Variants in SON observed in about 807,000 individuals in gnomAD.
The protein encoded by SON is SON DNA and RNA binding protein.
SON carries 4 observed loss-of-function variants against 173.3 expected under a neutral mutation model. That is an observed-to-expected ratio of 0.02 (90% CI 0.01 to 0.05). SON has a LOEUF of 0.05. Among genes scored for constraint, SON ranks in the 10% least tolerant of loss-of-function variants. The pLI is 1.00. For synonymous variants in SON, 1,190 were observed against 1,105.9 expected, an observed-to-expected ratio of 1.08 and a Z score of -1.51; for missense variants, 2,626 against 3,055.3, an observed-to-expected ratio of 0.86 and a Z score of 3.31.
At chr21:33,576,240 A>C in intron 11 of SON, 125 bp from the exon 12 acceptor site, 1 of 653,572 alleles carries the variant, frequency 1.5e-6, no homozygotes. Flanking sequence ...TGAGATTATA[A>C]TTTGACTTAC....
At position 33,573,525 on chromosome 21, in the gene SON, C is replaced by T. The variant is rs748964622; in HGVS notation, c.7033+70C>T. 2.4e-5 allele frequency: 32 copies of T among 1,360,922 alleles called. 1 individual carries two copies. In the Middle Eastern group the frequency reaches 1.5e-3, roughly 63 times the overall value. 84.3% of individuals were successfully genotyped at this position (1,360,922 alleles called of 1,614,324 possible). A position where few individuals can be genotyped will look rare whatever the true frequency, so the allele number is the denominator to read the frequency against. On this transcript the variant is annotated intron_variant, in intron 9 of 11. Coordinates refer to ENST00000356577, the MANE Select transcript of SON (RefSeq NM_138927.4). ...ATTACCTTTAATATATCCTTTTGAA[C>T]CCAGTGATACTGAACTGAAGGCACT...
intron 2 of SON, chr21:33,547,064 T>G (rs1601253425): frequency 1.3e-5 from 2 of 152,334 alleles, no homozygotes; most frequent in East Asian, 3.9e-4. Flanking sequence ...AACCTCCGCC[T>G]CCCAGGTTCA....
chr21:33,553,447 C>G lies in SON; in HGVS notation c.4216C>G (p.Pro1406Ala), dbSNP rs149373538. The change falls in exon 3 of 12, where the codon CCT becomes GCT. Residue 1406 changes from proline to alanine, a missense_variant. Physicochemically the swap from Pro to Ala is conservative, Grantham distance 27. Around this residue, in one of 13 missense-constraint regions of SON, gnomAD observed 1,006 missense variants for 895.6 expected, o/e 1.12. Transcript: ENST00000356577. ...GGCTGAGCCAGACTATGTTACCATT[C>G]CTGTGCCAGTTGTTTCTGCGCTGGA... Reference protein sequence around the residue: ...VVAEPDYVTIPVPVVSALEPS... With the variant: ...VVAEPDYVTIAVPVVSALEPS... The G allele has an allele frequency of 1.5e-4, 238 of 1,614,074 alleles. No individual in the cohort carries two copies. The highest frequency in any genetic ancestry group is 1.8e-4 in the Non-Finnish European group (216 of 1,180,042).
intron 1 of SON, 95 bp from the exon 2 acceptor site, chr21:33,546,118 C>T (rs1423582045): frequency 3.1e-6 from 3 of 974,000 alleles, no homozygotes; most frequent in Non-Finnish European, 4.4e-6. Flanking sequence ...AAACATCTGA[C>T]AGTCAGTACA....
At chr21:33,571,412 A>T (rs1460213903) in intron 8 of SON, among the ~76,000 whole-genome samples, 1 of 152,206 alleles carries the variant, frequency 6.6e-6, no homozygotes, top group Non-Finnish European at 1.5e-5. Flanking sequence ...CATCTGCCTT[A>T]TGTGTTAAAA....
rs986389942 is a variant in SON, at chr21:33,552,485, C to A, written c.3254C>A (p.Ser1085Tyr). ...MSPMADRSMM[S>Y]MGADRSMMSS... The stretch of plus-strand genomic sequence containing the variant: ...CCAATGGCTGATCGATCTATGATGT[C>A]CATGGGTGCTGACCGGTCTATGATG... The change falls in exon 3 of 12, where the codon TCC becomes TAC. Residue 1085 changes from serine to tyrosine, a missense_variant. Ser to Tyr is a moderately radical substitution (Grantham distance 144, BLOSUM62 -2). Around this residue, in one of 13 missense-constraint regions of SON, gnomAD observed 366 missense variants for 448.6 expected, o/e 0.82. Transcript: ENST00000356577. This position sits in a 1 kb window ranked among gnomAD's most constrained non-coding sequence, Gnocchi z 5.6. The A allele has an allele frequency of 6.2e-7, 1 of 1,613,996 alleles. No homozygotes were observed. Among genetic ancestry groups the A allele is most frequent in the Admixed American group, 1.7e-5 (1 of 60,010 alleles).
Position 33,554,293 on chromosome 21 carries a change from A to T in SON, c.5062A>T (p.Ser1688Cys), listed in dbSNP as rs139299999. Residue 1688 changes from serine to cysteine, a missense_variant, in exon 3 of 12, where the codon AGT becomes TGT. By Grantham distance (112) the Ser-to-Cys change is moderately radical. Around this residue, in one of 13 missense-constraint regions of SON, gnomAD observed 1,006 missense variants for 895.6 expected, o/e 1.12. Coordinates refer to ENST00000356577, the MANE Select transcript of SON (RefSeq NM_138927.4). ...AGAAGAACCATTACCTGTAAAAGAG[A>T]GTGACCAGACATTAGCAGCTCTGCT... The part of the protein sequence containing the change: ...DTEEPLPVKE[S>C]DQTLAALLSP... The T allele has an allele frequency of 1.9e-6, 3 of 1,614,066 alleles. No individual in the cohort carries two copies. In the African/African-American group the frequency reaches 4.0e-5, roughly 22 times the overall value.
Position 33,552,985 on chromosome 21 carries a change from C to T in SON, c.3754C>T (p.Pro1252Ser), listed in dbSNP as rs763568567. The T allele has an allele frequency of 1.4e-5, 22 of 1,609,218 alleles. No homozygotes were observed. The Admixed American group carries it at 3.3e-4, about 24-fold the overall frequency. Residue 1252 changes from proline to serine, a missense_variant, in exon 3 of 12, where the codon CCA becomes TCA. Physicochemically the swap from Pro to Ser is moderately conservative, Grantham distance 74. Coordinates refer to ENST00000356577, the MANE Select transcript of SON (RefSeq NM_138927.4). This position sits in a 1 kb window ranked among gnomAD's most constrained non-coding sequence, Gnocchi z 5.6. ...SEAAVTVPEP[P>S]PEPESSITLT... ...GGCTGCTGTGACTGTTCCAGAACCA[C>T]CACCAGAGCCAGAATCTTCAATTAC...
Position 33,550,335 on chromosome 21 carries a change from A to G in SON, c.1104A>G (p.Thr368=). 1 of 1,614,142 alleles carries G rather than the reference A, an allele frequency of 6.2e-7. No individual in the cohort carries two copies. ...AGTTGCCGGAGCTGCCTAAGACCAC[A>G]GCGTTGGAGCTGCAGGAGTCGTCGG... ...PQELPELPKT[T]ALELQESSVA... The change falls in exon 3 of 12, where the codon ACA becomes ACG. Residue 368 remains threonine (T), a synonymous_variant. Transcript: ENST00000356577.
intron 1 of SON, chr21:33,543,511 C>G (rs938220912): frequency 1.1e-5 from 3 of 281,232 alleles, no homozygotes; most frequent in East Asian, 8.3e-5. Flanking sequence ...TTCCTCAGCT[C>G]CTCCTCCGCC....
In SON at chr21:33,551,011, C is replaced by G; in HGVS notation, c.1780C>G (p.Leu594Val). 1 of 1,607,952 alleles carries G rather than the reference C, an allele frequency of 6.2e-7. No homozygotes were observed. The highest frequency in any genetic ancestry group is 1.1e-5 in the South Asian group (1 of 90,512). ...GGGGCAGCCTGTGGCAACTGGGGCA[C>G]TAGAGTTGCCTGGGCCGCTCATGGC... The part of the protein sequence containing the change: ...LSGQPVATGA[L>V]ELPGPLMAAG... The change falls in exon 3 of 12, where the codon CTA becomes GTA. Residue 594 changes from leucine to valine, a missense_variant. This residue lies in a region of SON where 757 missense variants were observed against 730.1 expected (regional missense o/e 1.04). Transcript: ENST00000356577.
At position 33,554,514 on chromosome 21, in the gene SON, T is replaced by A; in HGVS notation, c.5283T>A (p.Val1761=). Residue 1761 remains valine (V), a synonymous_variant, in exon 3 of 12, where the codon GTT becomes GTA. Transcript: ENST00000356577. ...AAGGACCTTTACTTGCAAGTGATGT[T>A]GGACGTGACAGATCTGCTGCCAGCC... ...GIEGPLLASD[V]GRDRSAASPV... The A allele has an allele frequency of 6.2e-7, 1 of 1,614,144 alleles. No individual in the cohort carries two copies. Among genetic ancestry groups the A allele is most frequent in the Non-Finnish European group, 8.5e-7 (1 of 1,180,034 alleles).
intron 8 of SON, chr21:33,569,505 C>T (rs1036714979): frequency 2.6e-6 from 1 of 377,996 alleles, no homozygotes; most frequent in African/African-American, 2.2e-5. Context: ...TCACTGCCCC[C>T]AAGAGCCCTC....
intron 7 of SON, chr21:33,567,555 A>T: frequency 2.7e-6 from 1 of 366,078 alleles, no homozygotes; most frequent in South Asian, 3.2e-5. Flanking sequence ...AAAACAACTA[A>T]GTGCCTACAA....
chr21:33,553,374 AACTGTCCTGGAGCCTTCGGTTGTG>A lies in SON; in HGVS notation c.4151_4174del (p.Leu1384_Val1391del), dbSNP rs769691894. Reference sequence around the variant, plus strand: ...TGACTGTCCTGGAGTCTTCGACTGTAACTGTCCTGGAGCCTTCGGTTGTGACTGTCCCGGAGCCTCCTGTTGTGG... The same window carrying A: ...TGACTGTCCTGGAGTCTTCGACTGTAACTGTCCCGGAGCCTCCTGTTGTGG... On this transcript the variant is annotated inframe_deletion, in exon 3 of 12. Transcript: ENST00000356577. 1.7e-5 allele frequency: 27 copies of A among 1,610,878 alleles called. No homozygotes were observed. The highest frequency in any genetic ancestry group is 6.7e-5 in the Admixed American group (4 of 59,862).
chr21:33,576,579 T>C lies in SON; in HGVS notation c.*155T>C. The C allele has an allele frequency of 1.4e-6, 1 of 738,696 alleles. No individual in the cohort carries two copies. The highest frequency in any genetic ancestry group is 1.4e-5 in the South Asian group (1 of 70,914). 45.8% of individuals were successfully genotyped at this position (738,696 alleles called of 1,614,324 possible). ...TCAGGAGTGCCTCACGTAGATAGAT[T>C]GAGGTTTTATAATAATCATTTCAGA... On this transcript the variant is annotated 3_prime_UTR_variant, in exon 12 of 12. Coordinates refer to ENST00000356577, the MANE Select transcript of SON (RefSeq NM_138927.4).
At chr21:33,543,422 C>T (rs1013909843) in intron 1 of SON, 2 of 536,018 alleles carry the variant, frequency 3.7e-6, no homozygotes, top group African/African-American at 1.9e-5. Flanking sequence ...AAGATGTTCA[C>T]CCTTCTCCCC....
chr21:33,569,231 A>G, intron 8 of SON, 144 bp downstream of exon 8: 1 of 568,664 alleles, frequency 1.8e-6, no homozygotes, highest in Non-Finnish European at 3.2e-6. Context: ...CAGGGCGGAC[A>G]CTGAAGACGG....
Position 33,551,336 on chromosome 21 carries a change from C to T in SON, c.2105C>T (p.Thr702Ile), listed in dbSNP as rs2085778665. 6.2e-7 allele frequency: 1 copy of T among 1,614,138 alleles called. No individual in the cohort carries two copies. Among genetic ancestry groups the T allele is most frequent in the Non-Finnish European group, 8.5e-7 (1 of 1,179,988 alleles). The change falls in exon 3 of 12, where the codon ACA becomes ATA. Residue 702 changes from threonine (T) to isoleucine (I), a missense_variant. Coordinates refer to ENST00000356577, the MANE Select transcript of SON (RefSeq NM_138927.4). Reference protein sequence around the residue: ...PTTLVGETSVTVGVDPLMAPE... With the variant: ...PTTLVGETSVIVGVDPLMAPE... ...ACATTAGTGGGGGAGACTTCTGTAACAGTAGGAGTGGATCCCTTGATGGCC... is the reference window on the plus strand; with the variant it reads ...ACATTAGTGGGGGAGACTTCTGTAATAGTAGGAGTGGATCCCTTGATGGCC...
Sources: gnomAD v4.1 joint callset for allele counts (sites outside exome capture counted in the v4.1 genomes callset) on GRCh38, gnomAD v4.1.1 for gene constraint, gnomAD v4.1.1 regional missense constraint, Gnocchi (gnomAD v3.1) non-coding constraint, MANE v1.5 for transcripts, NCBI Gene and HGNC (gene_info 2026-07-23, HGNC 2026-07-21) for gene names.